Variants in DLGAP2 observed in about 807,000 individuals in gnomAD.
The protein encoded by DLGAP2 is disks large-associated protein 2.
In DLGAP2, 26 loss-of-function variants were observed where a neutral mutation model predicts 100.3. The observed-to-expected ratio is 0.26, with a 90% CI of 0.19 to 0.36. The LOEUF (loss-of-function observed/expected upper bound fraction) is 0.36, where lower values mean the gene tolerates loss of function less well. Ranked by LOEUF, DLGAP2 falls within the 10% of genes least tolerant of loss-of-function variation. The pLI is 1.00. For missense variants in DLGAP2, 1,858 were observed against 1,453.2 expected (o/e 1.28, Z -4.53); for synonymous variants, 886 against 630.1 (o/e 1.41, Z -6.08).
intron 2 of DLGAP2, among the ~76,000 whole-genome samples, chr8:1,066,938 G>C (rs1461699493): frequency 6.6e-6 from 1 of 152,194 alleles, no homozygotes; most frequent in African/African-American, 2.4e-5. Context: ...GGGCTTCCTG[G>C]TCGCAGCAGG....
chr8:1,439,614 A>G (rs1584905428), intron 3 of DLGAP2, among the ~76,000 whole-genome samples: 1 of 152,300 alleles, frequency 6.6e-6, no homozygotes, highest in East Asian at 1.9e-4. Context: ...CTAGACAAAT[A>G]GAACGTTGCA....
At chr8:1,621,939 C>G (rs781084290) in intron 6 of DLGAP2, 1 of 152,164 alleles carries the variant, frequency 6.6e-6, no homozygotes, top group Admixed American at 6.5e-5. Context: ...AACAAGCATG[C>G]CTTCATCTCC....
intron 3 of DLGAP2, among the ~76,000 whole-genome samples, chr8:1,362,055 G>A (rs1286537091): frequency 6.6e-6 from 1 of 152,142 alleles, no homozygotes; most frequent in Non-Finnish European, 1.5e-5. Context: ...TTAAAGTTTA[G>A]GAGAATGAAA....
chr8:990,362 CGG>C (rs1408583911), intron 2 of DLGAP2, among the ~76,000 whole-genome samples: 3,144 of 121,522 alleles, frequency 0.026, 216 homozygotes, highest in Middle Eastern at 0.059. Context: ...CCTCCTTGCC[CGG>C]ACCCCCTGCA....
chr8:789,422 C>T (rs763966417), intron 1 of DLGAP2, among the ~76,000 whole-genome samples: 47 of 152,158 alleles, frequency 3.1e-4, no homozygotes, highest in Non-Finnish European at 4.3e-4. Context: ...CACTCACTAT[C>T]ACAAGAACAG....
At chr8:1,175,279 C>T (rs1269308667) in intron 2 of DLGAP2, among the ~76,000 whole-genome samples, 3 of 151,860 alleles carry the variant, frequency 2.0e-5, no homozygotes, top group African/African-American at 4.8e-5. Flanking sequence ...TAAATTTAGC[C>T]CAATAGTGCA....
In DLGAP2 at chr8:1,516,397, G is replaced by A. The variant is rs144576997; in HGVS notation, c.172+14966G>A. 1.1e-3 allele frequency among the ~76,000 whole-genome samples: 163 copies of A among 151,986 alleles called. 1 individual carries two copies. In the East Asian group the frequency reaches 0.028, roughly 26 times the overall value. On this transcript the variant is annotated intron_variant, in intron 4 of 14. Transcript: ENST00000637795. Reference sequence around the variant, plus strand: ...TGAGTGAGTGACTGAGTGAATGAGTGGGTGACTGAGTGAAAGAGTGAGTGA... The same window carrying A: ...TGAGTGAGTGACTGAGTGAATGAGTAGGTGACTGAGTGAAAGAGTGAGTGA...
chr8:849,555 T>C (rs1797141666), intron 1 of DLGAP2, among the ~76,000 whole-genome samples: 1 of 152,216 alleles, frequency 6.6e-6, no homozygotes, highest in African/African-American at 2.4e-5. Context: ...ACTGCCCTTT[T>C]GGGTTTCTAC....
chr8:1,253,923 A>G (rs6992817), intron 2 of DLGAP2, among the ~76,000 whole-genome samples: 15,902 of 152,224 alleles, frequency 0.1, 2,205 homozygotes, highest in African/African-American at 0.32. Context: ...AAACATATGT[A>G]ACCTGTGATG....
rs747241484 is a variant in DLGAP2 at position 1,678,557 on chromosome 8, G to C, written c.2632G>C (p.Glu878Gln). Residue 878 changes from glutamate to glutamine, a missense_variant, in exon 12 of 15, where the codon GAG (glutamate) becomes CAG (glutamine). Physicochemically the swap from Glu to Gln is conservative, Grantham distance 29. Coordinates refer to ENST00000637795, the MANE Select transcript of DLGAP2 (RefSeq NM_001346810.2). ...GSWFLKLLHAETKRMEGWCKE... is the reference protein window; with the variant it reads ...GSWFLKLLHAQTKRMEGWCKE... ...GTGGTTTTTGAAGCTGCTGCACGCAGAGACAAAGAGGATGGAAGGCTGGTG... is the reference window on the plus strand; with the variant it reads ...GTGGTTTTTGAAGCTGCTGCACGCACAGACAAAGAGGATGGAAGGCTGGTG... 8 of 1,589,494 alleles carry C rather than the reference G, an allele frequency of 5.0e-6. No homozygotes were observed. The East Asian group carries it at 1.6e-4, about 32-fold the overall frequency.
chr8:825,448 C>T (rs1305918457), intron 1 of DLGAP2, among the ~76,000 whole-genome samples: 1 of 152,212 alleles, frequency 6.6e-6, no homozygotes, highest in African/African-American at 2.4e-5. Context: ...CACTTCCTTC[C>T]AGCGGTGAGT....
At chr8:1,553,298 C>T (rs1801838456) in intron 5 of DLGAP2, among the ~76,000 whole-genome samples, 2 of 152,346 alleles carry the variant, frequency 1.3e-5, no homozygotes, top group South Asian at 4.1e-4. Flanking sequence ...CTGGCGTCGC[C>T]CGGCCGCAAC....
chr8:839,706 C>A (rs1796945911), intron 1 of DLGAP2, among the ~76,000 whole-genome samples: 1 of 152,190 alleles, frequency 6.6e-6, no homozygotes, highest in African/African-American at 2.4e-5. Context: ...TGCTCCCACC[C>A]TAAGTGCCCC....
At chr8:1,200,062 C>G (rs116798048) in intron 2 of DLGAP2, among the ~76,000 whole-genome samples, 2 of 152,042 alleles carry the variant, frequency 1.3e-5, no homozygotes, top group Non-Finnish European at 2.9e-5. Context: ...AGGATGAGGA[C>G]GACTCCGTAC....
At chr8:752,548 A>G (rs1389004473) in intron 1 of DLGAP2, among the ~76,000 whole-genome samples, 2 of 152,140 alleles carry the variant, frequency 1.3e-5, no homozygotes. Context: ...CCAGCCGCCT[A>G]TGCTTGGTGT....
chr8:1,391,304 G>A (rs891571523), intron 3 of DLGAP2, among the ~76,000 whole-genome samples: 1 of 152,188 alleles, frequency 6.6e-6, no homozygotes, highest in East Asian at 1.9e-4. Context: ...ACGGCCTGAG[G>A]TAGGGGTTTT....
intron 3 of DLGAP2, among the ~76,000 whole-genome samples, chr8:1,443,896 A>G (rs550099415): frequency 1.3e-5 from 2 of 152,206 alleles, no homozygotes; most frequent in Non-Finnish European, 2.9e-5. Flanking sequence ...TGGAAGTGGT[A>G]CTGATAAAAA....
chr8:876,790 C>G (rs984508815), intron 1 of DLGAP2, among the ~76,000 whole-genome samples: 4 of 152,222 alleles, frequency 2.6e-5, no homozygotes, highest in East Asian at 1.9e-4. Context: ...TCTAGGTGCC[C>G]TATGCTTCTG....
chr8:985,862 T>C (rs1800471381), intron 2 of DLGAP2, among the ~76,000 whole-genome samples: 1 of 152,122 alleles, frequency 6.6e-6, no homozygotes, highest in Admixed American at 6.6e-5. Context: ...ATTTGCTCAG[T>C]CGATCACCTG....
Sources: allele counts gnomAD v4.1 joint callset (sites outside exome capture counted in the v4.1 genomes callset), GRCh38; gene constraint gnomAD v4.1.1; transcripts MANE v1.5; gene names NCBI Gene and HGNC (gene_info 2026-07-23, HGNC 2026-07-21).